Variants in GSK3B observed in about 807,000 individuals in gnomAD.
GSK3B encodes glycogen synthase kinase-3 beta.
Under a neutral mutation model 56.4 loss-of-function variants are expected in GSK3B, and 15 were observed. That is an observed-to-expected ratio of 0.27 (90% CI 0.18 to 0.41). GSK3B has a LOEUF of 0.41. Ranked by LOEUF, GSK3B falls within the 10% of genes least tolerant of loss-of-function variation. The pLI, the probability that GSK3B is intolerant of heterozygous loss-of-function variation, is 1.00. For synonymous variants in GSK3B, 181 were observed against 188.9 expected, an observed-to-expected ratio of 0.96 and a Z score of 0.34; for missense variants, 300 against 513.4, an observed-to-expected ratio of 0.58 and a Z score of 4.02.
At chr3:119,953,550 G>A (rs1421064112) in intron 2 of GSK3B, among the ~76,000 whole-genome samples, 1 of 152,146 alleles carries the variant, frequency 6.6e-6, no homozygotes, top group East Asian at 1.9e-4. Context: ...GAGACAGACA[G>A]AGAGAGAGAC....
At chr3:119,901,338 T>C (rs1576185953) in intron 7 of GSK3B, among the ~76,000 whole-genome samples, 1 of 152,170 alleles carries the variant, frequency 6.6e-6, no homozygotes, top group South Asian at 2.1e-4. Flanking sequence ...AATGGCATAA[T>C]GAAATGCTGA....
chr3:120,055,763 A>C (rs1180633659), intron 1 of GSK3B, among the ~76,000 whole-genome samples: 1 of 152,222 alleles, frequency 6.6e-6, no homozygotes, highest in Non-Finnish European at 1.5e-5. Context: ...ATTTACATGA[A>C]AATGGATCTT....
intron 2 of GSK3B, among the ~76,000 whole-genome samples, chr3:119,979,244 CTTCTA>C (rs1274193934): frequency 6.6e-6 from 1 of 152,198 alleles, no homozygotes; most frequent in African/African-American, 2.4e-5. Flanking sequence ...TTCAGGCCTT[CTTCTA>C]CTTCTACCTT....
rs1016104982 is a variant in GSK3B, at chr3:119,868,957, G to C, written c.910-5352C>G. ...TTGAATAGGTAATTATGTTAACTAA[G>C]AAAGAAATCAAGTCTACTTAAGTGC... On this transcript the variant is annotated intron_variant, in intron 8 of 10. Coordinates refer to ENST00000264235, the MANE Select transcript of GSK3B (RefSeq NM_001146156.2). Among the ~76,000 whole-genome samples the C allele has an allele frequency of 2.0e-5, 3 of 152,074 alleles. No individual in the cohort carries two copies. In the South Asian group the frequency reaches 6.2e-4, roughly 32 times the overall value.
At chr3:119,998,158 G>T (rs1013354868) in intron 2 of GSK3B, among the ~76,000 whole-genome samples, 1 of 152,138 alleles carries the variant, frequency 6.6e-6, no homozygotes, top group African/African-American at 2.4e-5. Flanking sequence ...TATTGTGGAG[G>T]CAGCTTCTAG....
intron 8 of GSK3B, among the ~76,000 whole-genome samples, chr3:119,874,983 G>A (rs2108047173): frequency 6.6e-6 from 1 of 152,170 alleles, no homozygotes; most frequent in African/African-American, 2.4e-5. Context: ...TTAGAGCCAG[G>A]TGAGAGTCCC....
Position 120,069,348 on chromosome 3 carries a change from A to C in GSK3B, c.88+23999T>G, listed in dbSNP as rs2058308006. ...TCTCTCCCCAACTTCCTCAAAATTG[A>C]GAAGAATAAAAACTAAAGAAAAAAC... On this transcript the variant is annotated intron_variant, in intron 1 of 10. Coordinates refer to ENST00000264235, the MANE Select transcript of GSK3B (RefSeq NM_001146156.2). Among the ~76,000 whole-genome samples the C allele has an allele frequency of 2.0e-5, 3 of 152,368 alleles. No individual in the cohort carries two copies. In the East Asian group the frequency reaches 5.8e-4, roughly 29 times the overall value.
At chr3:119,962,706 C>T (rs990417468) in intron 2 of GSK3B, among the ~76,000 whole-genome samples, 4 of 152,140 alleles carry the variant, frequency 2.6e-5, no homozygotes, top group South Asian at 2.1e-4. Flanking sequence ...TTTAAAAAAT[C>T]GGTTGCAATT....
chr3:119,852,488 C>T (rs139946422), intron 9 of GSK3B, among the ~76,000 whole-genome samples: 2,217 of 152,072 alleles, frequency 0.015, 52 homozygotes, highest in African/African-American at 0.051. Context: ...AGTGGGATTA[C>T]AGGCACCCAC....
intron 2 of GSK3B, among the ~76,000 whole-genome samples, chr3:119,961,632 CAAAA>C (rs1211316414): frequency 2.1e-5 from 2 of 95,862 alleles, no homozygotes; most frequent in Non-Finnish European, 2.4e-5. Context: ...GTCTCACAAA[CAAAA>C]AAAAAAAAAA....
At chr3:119,907,253 CAGATACA>C (rs2056692020) in intron 6 of GSK3B, among the ~76,000 whole-genome samples, 1 of 152,030 alleles carries the variant, frequency 6.6e-6, no homozygotes, top group Non-Finnish European at 1.5e-5. Context: ...TGATTCATCT[CAGATACA>C]AGGCTGAAAA....
At chr3:119,910,032 T>C (rs1282151943) in intron 6 of GSK3B, among the ~76,000 whole-genome samples, 2 of 152,210 alleles carry the variant, frequency 1.3e-5, no homozygotes, top group Non-Finnish European at 2.9e-5. Flanking sequence ...GTTAGCAATA[T>C]GGCCATACTA....
chr3:120,093,104 A>G (rs531217294), intron 1 of GSK3B, among the ~76,000 whole-genome samples: 3 of 152,338 alleles, frequency 2.0e-5, no homozygotes, highest in African/African-American at 7.2e-5. Context: ...AGTACAAGAA[A>G]GCAGTTTGAA....
intron 3 of GSK3B, among the ~76,000 whole-genome samples, chr3:119,941,555 C>T (rs1230523428): frequency 1.3e-5 from 2 of 152,016 alleles, no homozygotes; most frequent in African/African-American, 2.4e-5. Context: ...TAAAATAGTG[C>T]TTCTATAAAA....
intron 1 of GSK3B, among the ~76,000 whole-genome samples, chr3:120,082,449 T>G (rs890221403): frequency 7.5e-6 from 1 of 132,704 alleles, no homozygotes; most frequent in African/African-American, 2.9e-5. Flanking sequence ...CAGGCTGGAG[T>G]GCAGTGGCAC....
At chr3:119,956,335 G>C (rs1005174120) in intron 2 of GSK3B, among the ~76,000 whole-genome samples, 1 of 152,164 alleles carries the variant, frequency 6.6e-6, no homozygotes, top group African/African-American at 2.4e-5. Flanking sequence ...AGGAGGTGTG[G>C]GTGGTTCAGA....
At chr3:120,079,313 C>T (rs898141526) in intron 1 of GSK3B, among the ~76,000 whole-genome samples, 1 of 75,540 alleles carries the variant, frequency 1.3e-5, no homozygotes, top group Admixed American at 1.5e-4. Context: ...ATTACACACA[C>T]ACACACACAC....
intron 2 of GSK3B, among the ~76,000 whole-genome samples, chr3:119,996,588 T>A (rs1396944840): frequency 1.3e-5 from 2 of 151,164 alleles, no homozygotes; most frequent in African/African-American, 4.9e-5. Context: ...TAAATAGTTT[T>A]ATTTAGTGTT....
chr3:119,833,073 A>C, intron 10 of GSK3B: 2 of 651,450 alleles, frequency 3.1e-6, no homozygotes, highest in Non-Finnish European at 3.8e-6. Flanking sequence ...CAAATGTTCA[A>C]GTCATAAACG....
Sources: gnomAD v4.1 joint callset for allele counts (sites outside exome capture counted in the v4.1 genomes callset) on GRCh38, gnomAD v4.1.1 for gene constraint, MANE v1.5 for transcripts, NCBI Gene and HGNC (gene_info 2026-07-23, HGNC 2026-07-21) for gene names.